Variants in LINGO2 observed in about 807,000 individuals in gnomAD.
The protein encoded by LINGO2 is leucine-rich repeat and immunoglobulin-like domain-containing nogo receptor-interacting protein 2.
In LINGO2, 14 loss-of-function variants were observed where a neutral mutation model predicts 30.6. The ratio of observed to expected loss-of-function variants is 0.46; its 90% CI spans 0.30 to 0.72. The LOEUF is 0.72. Among genes scored for constraint, LINGO2 ranks in the 30% least tolerant of loss-of-function variants. The pLI is 0.07. For missense variants in LINGO2, 729 were observed against 751.7 expected (o/e 0.97, Z 0.35); for synonymous variants, 317 against 288.5 (o/e 1.10, Z -1.00).
chr9:28,348,079 T>C (rs1285664098), intron 3 of LINGO2, among the ~76,000 whole-genome samples: 1 of 152,136 alleles, frequency 6.6e-6, no homozygotes, highest in Non-Finnish European at 1.5e-5. Flanking sequence ...ATAGTGAATA[T>C]AAGCAGTGAT....
intron 4 of LINGO2, among the ~76,000 whole-genome samples, chr9:28,015,527 C>T (rs937820712): frequency 6.6e-5 from 10 of 151,964 alleles, no homozygotes; most frequent in African/African-American, 2.2e-4. Flanking sequence ...GTTTAAATTC[C>T]GTGTTTGACA....
chr9:28,938,699 A>G, the LINGO2 span, among the ~76,000 whole-genome samples: 1 of 152,314 alleles, frequency 6.6e-6, no homozygotes, highest in South Asian at 2.1e-4. Flanking sequence ...GCAATAGGCT[A>G]CACCATATAG....
chr9:28,929,826 T>C, the LINGO2 span, among the ~76,000 whole-genome samples: 1 of 152,184 alleles, frequency 6.6e-6, no homozygotes, highest in African/African-American at 2.4e-5. Context: ...TTAACACCCC[T>C]GAGATTGAGA....
intron 2 of LINGO2, among the ~76,000 whole-genome samples, chr9:28,460,836 G>A (rs978273120): frequency 6.6e-6 from 1 of 152,004 alleles, no homozygotes; most frequent in Middle Eastern, 3.2e-3. Context: ...GAGGGGTGGA[G>A]GAGTGGGAGG....
At chr9:28,899,744 G>A in the LINGO2 span, among the ~76,000 whole-genome samples, 1 of 152,160 alleles carries the variant, frequency 6.6e-6, no homozygotes, top group Non-Finnish European at 1.5e-5. Flanking sequence ...CCTAGTGCCA[G>A]GCTAGCATTC....
intron 4 of LINGO2, among the ~76,000 whole-genome samples, chr9:28,052,503 G>C (rs1824723464): frequency 6.6e-6 from 1 of 151,974 alleles, no homozygotes; most frequent in African/African-American, 2.4e-5. Context: ...GGTATACCAG[G>C]CCATTTGCTC....
intron 1 of LINGO2, among the ~76,000 whole-genome samples, chr9:28,501,842 A>G (rs1452093369): frequency 2.0e-5 from 3 of 152,182 alleles, no homozygotes; most frequent in Non-Finnish European, 4.4e-5. Flanking sequence ...GAATGCATGA[A>G]AATTCACAGA....
intron 4 of LINGO2, among the ~76,000 whole-genome samples, chr9:28,153,096 C>A (rs1467734136): frequency 1.3e-5 from 2 of 152,030 alleles, no homozygotes; most frequent in Non-Finnish European, 1.5e-5. Context: ...ATCAGAGAAG[C>A]AAAATGTTTG....
At chr9:28,156,705 C>G (rs1042090642) in intron 4 of LINGO2, among the ~76,000 whole-genome samples, 7 of 152,226 alleles carry the variant, frequency 4.6e-5, no homozygotes, top group African/African-American at 1.7e-4. Context: ...AAGTTAGTTA[C>G]TTCATAGATA....
At chr9:28,766,054 G>A in the LINGO2 span, among the ~76,000 whole-genome samples, 74 of 151,960 alleles carry the variant, frequency 4.9e-4, 1 homozygote, top group Admixed American at 3.9e-3. Context: ...TTCAAATATC[G>A]CATAAAAAGC....
At chr9:28,807,221 C>T in the LINGO2 span, among the ~76,000 whole-genome samples, 1 of 151,910 alleles carries the variant, frequency 6.6e-6, no homozygotes, top group Non-Finnish European at 1.5e-5. Flanking sequence ...GACGGGGTTT[C>T]ACTGTGTTAG....
chr9:28,377,612 C>G (rs757164010), intron 2 of LINGO2, among the ~76,000 whole-genome samples: 8 of 152,076 alleles, frequency 5.3e-5, no homozygotes, highest in Non-Finnish European at 8.8e-5. Flanking sequence ...TACATGTACA[C>G]ACATGTCTAT....
At chr9:28,980,967 A>C in the LINGO2 span, among the ~76,000 whole-genome samples, 1 of 152,110 alleles carries the variant, frequency 6.6e-6, no homozygotes, top group African/African-American at 2.4e-5. Flanking sequence ...TTTCAGTTGA[A>C]TAAAGTAATT....
At chr9:28,024,905 T>C (rs913877074) in intron 4 of LINGO2, among the ~76,000 whole-genome samples, 4 of 152,124 alleles carry the variant, frequency 2.6e-5, no homozygotes, top group Non-Finnish European at 5.9e-5. Context: ...AGTAGGGGAT[T>C]GGTGACTGTA....
chr9:28,228,859 C>T (rs568267632), intron 4 of LINGO2, among the ~76,000 whole-genome samples: 41 of 151,392 alleles, frequency 2.7e-4, no homozygotes, highest in African/African-American at 9.9e-4. Context: ...AATGGGAAGA[C>T]CTTATTTTTA....
chr9:28,028,000 GTT>G (rs368617249), intron 4 of LINGO2, among the ~76,000 whole-genome samples: 190 of 152,224 alleles, frequency 1.2e-3, no homozygotes, highest in African/African-American at 4.5e-3. Flanking sequence ...ATAAATGGAG[GTT>G]TTTTCTTGAC....
At chr9:29,005,192 A>T in the LINGO2 span, among the ~76,000 whole-genome samples, 1 of 152,160 alleles carries the variant, frequency 6.6e-6, no homozygotes, top group South Asian at 2.1e-4. Context: ...ATGCAAATTC[A>T]GCAAAATAAT....
the LINGO2 span, among the ~76,000 whole-genome samples, chr9:28,839,117 G>A: frequency 6.6e-6 from 1 of 152,166 alleles, no homozygotes. Flanking sequence ...TTCTAGCTCT[G>A]GGCTCCCCAA....
At chr9:28,515,901 G>A (rs956193160) in intron 1 of LINGO2, among the ~76,000 whole-genome samples, 1 of 152,130 alleles carries the variant, frequency 6.6e-6, no homozygotes, top group African/African-American at 2.4e-5. Context: ...AATTGATGCA[G>A]CAAACTTCTT....
Sources: gnomAD v4.1 joint callset for allele counts (sites outside exome capture counted in the v4.1 genomes callset) on GRCh38, gnomAD v4.1.1 for gene constraint, MANE v1.5 for transcripts, NCBI Gene and HGNC (gene_info 2026-07-23, HGNC 2026-07-21) for gene names.